The following SEC23B variants were observed in gnomAD, a reference collection of about 807,000 sequenced individuals.
SEC23B encodes the protein SEC23 homolog B, COPII component.
Under a neutral mutation model 104.3 loss-of-function variants are expected in SEC23B, and 77 were observed. The ratio of observed to expected loss-of-function variants is 0.74; its 90% CI spans 0.61 to 0.89. The LOEUF is 0.89. Ranked by LOEUF, SEC23B falls within the 40% of genes least tolerant of loss-of-function variation. The pLI, the probability that SEC23B is intolerant of heterozygous loss-of-function variation, is 0.00. For synonymous variants in SEC23B, 338 were observed against 332.5 expected (o/e 1.02, Z -0.18); for missense variants, 885 against 949.4 (o/e 0.93, Z 0.89).
intron 17 of SEC23B, 45 bp downstream of exon 17, chr20:18,551,220 T>C (rs768509393): frequency 1.7e-6 from 2 of 1,164,502 alleles, no homozygotes; most frequent in South Asian, 2.6e-5. Flanking sequence ...TGTTTTTAAA[T>C]TGGAGAAAAG....
intron 9 of SEC23B, 66 bp from the exon 10 acceptor site, chr20:18,530,614 C>A: frequency 1.3e-6 from 2 of 1,568,932 alleles, no homozygotes. Context: ...TTTGTAAATA[C>A]TGAGGGAGCA....
chr20:18,514,109 A>G (rs774020687), intron 3 of SEC23B, among the ~76,000 whole-genome samples: 17 of 152,204 alleles, frequency 1.1e-4, no homozygotes, highest in Non-Finnish European at 1.2e-4. Context: ...TCACCTGCCA[A>G]TTTATAAGTA....
intron 4 of SEC23B, among the ~76,000 whole-genome samples, chr20:18,517,443 A>C (rs1191842461): frequency 3.9e-5 from 6 of 152,226 alleles, no homozygotes; most frequent in African/African-American, 1.4e-4. Flanking sequence ...TCATCAGTTA[A>C]GGCTATTTTC....
rs2060270389 is a variant in SEC23B at position 18,539,640 on chromosome 20, A to T, written c.1405-2656A>T. Among the ~76,000 whole-genome samples, 5 of 137,482 alleles carry T rather than the reference A, an allele frequency of 3.6e-5. No homozygotes were observed. The South Asian group carries it at 1.2e-3, about 33-fold the overall frequency. 90.2% of individuals were successfully genotyped at this position (137,482 alleles called of 152,430 possible). A position where few individuals can be genotyped will look rare whatever the true frequency, so the allele number is the denominator to read the frequency against. On this transcript the variant is annotated intron_variant, in intron 12 of 19. Transcript: ENST00000650089. ...GCGTGAGCCACCACACCCAGCCAGG[A>T]TCCACTTTTTTTTTTTTTTTTTGAG...
intron 3 of SEC23B, 134 bp downstream of exon 3, chr20:18,512,416 A>G (rs2059989406): frequency 1.6e-6 from 1 of 630,316 alleles, no homozygotes; most frequent in Non-Finnish European, 2.9e-6. Context: ...AACTTTTGTT[A>G]AGCACAATAT....
rs1348659089 is a variant in SEC23B, at chr20:18,524,551, C to A, written c.485C>A (p.Ala162Asp). 6.2e-7 allele frequency: 1 copy of A among 1,613,798 alleles called. No homozygotes were observed. Among genetic ancestry groups the A allele is most frequent in the East Asian group, 2.2e-5 (1 of 44,884 alleles). ...TCCCTGAGTCTTCTTCCTCCAGATGCTCTGGTGGGTCTGATCACATTTGGA... is the reference window on the plus strand; with the variant it reads ...TCCCTGAGTCTTCTTCCTCCAGATGATCTGGTGGGTCTGATCACATTTGGA... ...QMSLSLLPPD[A>D]LVGLITFGRM... Residue 162 changes from alanine to aspartate, a missense_variant, in exon 5 of 20, where the codon GCT becomes GAT. Ala to Asp is a moderately radical substitution (Grantham distance 126). Coordinates refer to ENST00000650089, the MANE Select transcript of SEC23B (RefSeq NM_006363.6).
chr20:18,524,585 G>A lies in SEC23B; in HGVS notation c.519G>A (p.Val173=), dbSNP rs138314893. ...GTCTGATCACATTTGGAAGGATGGT[G>A]CAGGTTCATGAGCTAAGCTGTGAAG... ...LVGLITFGRM[V]QVHELSCEGI... is the part of the protein sequence containing the mutation. The change falls in exon 5 of 20, where the codon GTG becomes GTA. Residue 173 remains valine (V), a synonymous_variant. Coordinates refer to ENST00000650089, the MANE Select transcript of SEC23B (RefSeq NM_006363.6). 5.4e-4 allele frequency: 872 copies of A among 1,614,198 alleles called. No individual in the cohort carries two copies. The highest frequency in any genetic ancestry group is 8.7e-4 in the South Asian group (79 of 91,084).
chr20:18,558,612 G>C (rs976484969), intron 19 of SEC23B, among the ~76,000 whole-genome samples: 1 of 151,872 alleles, frequency 6.6e-6, no homozygotes, highest in Non-Finnish European at 1.5e-5. Flanking sequence ...TGTTCATTTG[G>C]GTAACTTCTA....
At position 18,537,626 on chromosome 20, in the gene SEC23B, A is replaced by G. The variant is rs200774519; in HGVS notation, c.1404+1884A>G. On this transcript the variant is annotated intron_variant, in intron 12 of 19. Transcript: ENST00000650089. ...GGGGAGGAATAACATTAGGAGATAT[A>G]ACTAATGCTAAATGATGAGTTAATG... Among the ~76,000 whole-genome samples, 135 of 152,280 alleles carry G rather than the reference A, an allele frequency of 8.9e-4. 3 individuals are homozygous for G. In the East Asian group the frequency reaches 0.024, roughly 28 times the overall value.
intron 3 of SEC23B, among the ~76,000 whole-genome samples, chr20:18,514,634 C>A (rs1205232271): frequency 6.6e-6 from 1 of 152,208 alleles, no homozygotes; most frequent in African/African-American, 2.4e-5. Context: ...AGCCAACCCA[C>A]AAGCTGTGAA....
intron 4 of SEC23B, among the ~76,000 whole-genome samples, chr20:18,523,639 G>A (rs1405511152): frequency 1.3e-5 from 2 of 151,012 alleles, no homozygotes; most frequent in African/African-American, 2.4e-5. Context: ...CTGACCTCGT[G>A]ATCCACCTGT....
intron 19 of SEC23B, among the ~76,000 whole-genome samples, chr20:18,558,612 G>A (rs976484969): frequency 2.6e-5 from 4 of 151,872 alleles, no homozygotes; most frequent in Non-Finnish European, 5.9e-5. Context: ...TGTTCATTTG[G>A]GTAACTTCTA....
intron 12 of SEC23B, among the ~76,000 whole-genome samples, chr20:18,539,234 G>A (rs1262957455): frequency 3.4e-5 from 5 of 146,504 alleles, no homozygotes; most frequent in Admixed American, 6.8e-5. Flanking sequence ...GGCCGGGTGC[G>A]GTGGCTCACG....
At chr20:18,513,710 A>C (rs552037053) in intron 3 of SEC23B, among the ~76,000 whole-genome samples, 1 of 152,376 alleles carries the variant, frequency 6.6e-6, no homozygotes, top group South Asian at 2.1e-4. Flanking sequence ...TCTTCATGAG[A>C]GATTCAGAAG....
chr20:18,534,468 T>C (rs2060211048), intron 11 of SEC23B, among the ~76,000 whole-genome samples: 1 of 152,204 alleles, frequency 6.6e-6, no homozygotes, highest in Non-Finnish European at 1.5e-5. Flanking sequence ...GGGCAGTGTG[T>C]ACTTTATGCT....
At chr20:18,522,389 T>C (rs779130726) in intron 4 of SEC23B, among the ~76,000 whole-genome samples, 2 of 152,134 alleles carry the variant, frequency 1.3e-5, no homozygotes, top group Non-Finnish European at 2.9e-5. Flanking sequence ...GGTCCACGGA[T>C]AAAAGGTGTC....
chr20:18,526,527 C>T lies in SEC23B; in HGVS notation c.989C>T (p.Thr330Ile), dbSNP rs776372366. ...AATGCACGATTCATGAAAAAGGCAACCAAGGTAGGTGCTCTTGGGTATGGG... is the reference window on the plus strand; with the variant it reads ...AATGCACGATTCATGAAAAAGGCAATCAAGGTAGGTGCTCTTGGGTATGGG... ...KDNARFMKKA[T>I]KHYEMLANRT... The change falls in exon 8 of 20, where the codon ACC becomes ATC. Residue 330 changes from threonine (T) to isoleucine (I), a missense_variant. Transcript: ENST00000650089. 6.2e-7 allele frequency: 1 copy of T among 1,614,116 alleles called. No homozygotes were observed. Among genetic ancestry groups the T allele is most frequent in the Non-Finnish European group, 8.5e-7 (1 of 1,180,012 alleles).
At position 18,525,893 on chromosome 20, in the gene SEC23B, C is replaced by G. The variant is rs1422177735; in HGVS notation, c.795C>G (p.Ser265=). The G allele has an allele frequency of 6.2e-7, 1 of 1,614,186 alleles. No individual in the cohort carries two copies. Among genetic ancestry groups the G allele is most frequent in the Admixed American group, 1.7e-5 (1 of 60,014 alleles). Reference sequence around the variant, plus strand: ...CTCAGGGGAAGAGACCTTTGCGATCCACTGGTGTGGCTTTGTCCATTGCTG... The same window carrying G: ...CTCAGGGGAAGAGACCTTTGCGATCGACTGGTGTGGCTTTGTCCATTGCTG... ...PVTQGKRPLR[S]TGVALSIAVG... is the part of the protein sequence containing the mutation. Residue 265 remains serine (S), a synonymous_variant, in exon 7 of 20, where the codon TCC becomes TCG. Transcript: ENST00000650089.
rs78914626 is a variant in SEC23B at position 18,537,822 on chromosome 20, A to G, written c.1404+2080A>G. 2.6e-5 allele frequency among the ~76,000 whole-genome samples: 4 copies of G among 152,238 alleles called. No homozygotes were observed. In the East Asian group the frequency reaches 7.7e-4, roughly 29 times the overall value. On this transcript the variant is annotated intron_variant, in intron 12 of 19. Transcript: ENST00000650089. ...GCTCAAAAATGTTAATGCTCATCTG[A>G]TCCTTTAGTGAGTCATACTCTTTTG...
Sources: gnomAD v4.1 joint callset for allele counts (sites outside exome capture counted in the v4.1 genomes callset) on GRCh38, gnomAD v4.1.1 for gene constraint, MANE v1.5 for transcripts, NCBI Gene and HGNC (gene_info 2026-07-23, HGNC 2026-07-21) for gene names.